The following TMEM45B variants were observed in gnomAD, a reference collection of about 807,000 sequenced individuals.
TMEM45B encodes the protein transmembrane protein 45B.
TMEM45B carries 29 observed loss-of-function variants against 27.3 expected under a neutral mutation model. The observed-to-expected ratio is 1.06, with a 90% CI of 0.79 to 1.45. TMEM45B has a LOEUF of 1.45. Ranked by LOEUF, TMEM45B falls within the 40% of genes most tolerant of loss-of-function variation. The probability of loss-of-function intolerance (pLI) is 0.00; values close to 1 mark genes in which losing one functional copy is unlikely to be tolerated. For missense variants in TMEM45B, 348 were observed against 343.9 expected (o/e 1.01, Z -0.09); for synonymous variants, 143 against 134.7 (o/e 1.06, Z -0.43).
At chr11:129,817,518 G>A (rs1303257680) in intron 1 of TMEM45B, among the ~76,000 whole-genome samples, 1 of 152,180 alleles carries the variant, frequency 6.6e-6, no homozygotes, top group Admixed American at 6.5e-5. Context: ...ACCTCTGGCT[G>A]TGCATTATTT....
At chr11:129,827,924 C>T (rs1018104599) in intron 1 of TMEM45B, among the ~76,000 whole-genome samples, 7 of 152,036 alleles carry the variant, frequency 4.6e-5, no homozygotes, top group Non-Finnish European at 8.8e-5. Flanking sequence ...GAGTTGAGAT[C>T]GTGCCACCGC....
chr11:129,834,785 T>C lies in TMEM45B; in HGVS notation c.-8-17690T>C, dbSNP rs536281944. Among the ~76,000 whole-genome samples the C allele has an allele frequency of 3.4e-5, 5 of 145,378 alleles. No individual in the cohort carries two copies. The South Asian group carries it at 1.1e-3, about 32-fold the overall frequency. ...AAGATCATGCCACTGCACTCCAGCCTGGGTGACAGAGAGAGACTCCATCTC... is the reference window on the plus strand; with the variant it reads ...AAGATCATGCCACTGCACTCCAGCCCGGGTGACAGAGAGAGACTCCATCTC... On this transcript the variant is annotated intron_variant, in intron 1 of 5. Coordinates refer to ENST00000281441, the MANE Select transcript of TMEM45B (RefSeq NM_138788.5).
intron 1 of TMEM45B, among the ~76,000 whole-genome samples, chr11:129,851,204 C>T (rs1947841388): frequency 6.6e-6 from 1 of 152,106 alleles, no homozygotes; most frequent in African/African-American, 2.4e-5. Flanking sequence ...GGCATCTGCT[C>T]CTAGTTCAGG....
chr11:129,846,107 C>T (rs1239991503), intron 1 of TMEM45B, among the ~76,000 whole-genome samples: 1 of 152,142 alleles, frequency 6.6e-6, no homozygotes, highest in Admixed American at 6.5e-5. Flanking sequence ...GGAGGAAAAA[C>T]ATAGTGATCA....
chr11:129,822,841 C>CTTTTTTTT (rs981694529), intron 1 of TMEM45B, among the ~76,000 whole-genome samples: 4 of 134,128 alleles, frequency 3.0e-5, no homozygotes, highest in African/African-American at 5.6e-5. Context: ...AAACATTTTT[C>CTTTTTTTT]TTTTTTTTTT....
chr11:129,836,916 A>C (rs1947626805), intron 1 of TMEM45B, among the ~76,000 whole-genome samples: 1 of 152,220 alleles, frequency 6.6e-6, no homozygotes, highest in African/African-American at 2.4e-5. Flanking sequence ...GGCCAGTCAC[A>C]AAAGGCCACA....
chr11:129,825,156 GC>G (rs1947463325), intron 1 of TMEM45B, among the ~76,000 whole-genome samples: 1 of 152,170 alleles, frequency 6.6e-6, no homozygotes, highest in Non-Finnish European at 1.5e-5. Context: ...AGGACTAGAG[GC>G]CTCGCAGTGT....
intron 1 of TMEM45B, among the ~76,000 whole-genome samples, chr11:129,826,135 A>G (rs1947475179): frequency 6.6e-6 from 1 of 152,058 alleles, no homozygotes; most frequent in Admixed American, 6.6e-5. Context: ...CTTCTCCATG[A>G]CCAAAACTTG....
At chr11:129,831,416 G>A (rs1485170626) in intron 1 of TMEM45B, among the ~76,000 whole-genome samples, 1 of 152,214 alleles carries the variant, frequency 6.6e-6, no homozygotes, top group Non-Finnish European at 1.5e-5. Context: ...AGCTTACTAA[G>A]TGACTAATGG....
Position 129,856,873 on chromosome 11 carries a change from A to T in TMEM45B, c.571-440A>T, listed in dbSNP as rs757414113. Reference sequence around the variant, plus strand: ...CGCGCCCGGCTTTTTTTTTTTTTTTAAGACAGTCTCGCACTGTGGCCCGGG... The same window carrying T: ...CGCGCCCGGCTTTTTTTTTTTTTTTTAGACAGTCTCGCACTGTGGCCCGGG... On this transcript the variant is annotated intron_variant, in intron 4 of 5. Transcript: ENST00000281441. 6.3e-3 allele frequency among the ~76,000 whole-genome samples: 511 copies of T among 81,728 alleles called. 4 individuals carry two copies. The highest frequency in any genetic ancestry group is 0.037 in the East Asian group (161 of 4,368). 53.6% of individuals were successfully genotyped at this position (81,728 alleles called of 152,430 possible).
chr11:129,825,139 G>A (rs565758805), intron 1 of TMEM45B, among the ~76,000 whole-genome samples: 1 of 152,120 alleles, frequency 6.6e-6, no homozygotes, highest in Non-Finnish European at 1.5e-5. Flanking sequence ...AAGAATTCAT[G>A]GACAGCAGGA....
intron 1 of TMEM45B, among the ~76,000 whole-genome samples, chr11:129,843,866 T>C (rs918914146): frequency 2.3e-4 from 35 of 152,342 alleles, no homozygotes; most frequent in Non-Finnish European, 4.3e-4. Flanking sequence ...TTGGTACATC[T>C]ATTATGGAAA....
At chr11:129,835,438 A>G (rs1947608789) in intron 1 of TMEM45B, among the ~76,000 whole-genome samples, 1 of 152,210 alleles carries the variant, frequency 6.6e-6, no homozygotes, top group South Asian at 2.1e-4. Context: ...GAGAATTTAT[A>G]CCAGCAGACA....
At chr11:129,832,227 G>A (rs368126128) in intron 1 of TMEM45B, among the ~76,000 whole-genome samples, 45 of 150,290 alleles carry the variant, frequency 3.0e-4, no homozygotes, top group Non-Finnish European at 4.1e-4. Context: ...AAAATTAGCC[G>A]GGCATGGTGG....
chr11:129,858,138 G>C, intron 5 of TMEM45B, among the ~76,000 whole-genome samples: 1 of 152,136 alleles, frequency 6.6e-6, no homozygotes. Context: ...TTTAGCAAAT[G>C]GTATTACCAG....
intron 1 of TMEM45B, among the ~76,000 whole-genome samples, chr11:129,840,416 G>C (rs1193442010): frequency 2.0e-5 from 3 of 152,206 alleles, no homozygotes; most frequent in African/African-American, 7.2e-5. Flanking sequence ...AAATGAGGAA[G>C]TGCAGGGAGG....
intron 1 of TMEM45B, among the ~76,000 whole-genome samples, chr11:129,847,407 A>ATTTTTT (rs5795680): frequency 1.5e-5 from 1 of 67,882 alleles, no homozygotes; most frequent in Non-Finnish European, 3.5e-5. Flanking sequence ...TTATGAAGTT[A>ATTTTTT]TTTTTTTTTA....
intron 1 of TMEM45B, among the ~76,000 whole-genome samples, chr11:129,825,742 G>A (rs995812375): frequency 1.3e-5 from 2 of 152,136 alleles, no homozygotes; most frequent in Admixed American, 6.5e-5. Context: ...AGGGAAGGAA[G>A]GAAGGAGTCT....
At chr11:129,856,828 G>GA in intron 4 of TMEM45B, among the ~76,000 whole-genome samples, 1 of 150,258 alleles carries the variant, frequency 6.7e-6, no homozygotes, top group South Asian at 2.1e-4. Context: ...CAAAGTGCTA[G>GA]GATTACAGGC....
Sources: allele counts gnomAD v4.1 joint callset (sites outside exome capture counted in the v4.1 genomes callset), GRCh38; gene constraint gnomAD v4.1.1; transcripts MANE v1.5; gene names NCBI Gene and HGNC (gene_info 2026-07-23, HGNC 2026-07-21).